The following PRRC2A variants were observed in gnomAD, a reference collection of about 807,000 sequenced individuals.
PRRC2A encodes the protein protein PRRC2A.
A neutral mutation model predicts 224.6 loss-of-function variants in PRRC2A; 59 were observed. That is an observed-to-expected ratio of 0.26 (90% CI 0.21 to 0.33). The LOEUF (loss-of-function observed/expected upper bound fraction) is 0.33, where lower values mean the gene tolerates loss of function less well. Among genes scored for constraint, PRRC2A ranks in the 10% least tolerant of loss-of-function variants. PRRC2A has a pLI of 1.00. For missense variants in PRRC2A, 3,095 were observed against 2,880.7 expected, an observed-to-expected ratio of 1.07 and a Z score of -1.70; for synonymous variants, 1,194 against 1,109.5, an observed-to-expected ratio of 1.08 and a Z score of -1.51.
rs1029003133 is a variant in PRRC2A at position 31,627,184 on chromosome 6, C to G, written c.1276C>G (p.Pro426Ala). 6 of 1,606,298 alleles carry G rather than the reference C, an allele frequency of 3.7e-6. No individual in the cohort carries two copies. Among genetic ancestry groups the G allele is most frequent in the Admixed American group, 1.7e-5 (1 of 59,894 alleles). ...GGGCCCCGCCGGGAACTGGGGCCCC[C>G]CTGGGGACTACCCAGTGAGTGTCTC... is the stretch of plus-strand genomic sequence containing the variant. ...HRGPAGNWGP[P>A]GDYPDRGGPP... The change falls in exon 11 of 31, where the codon CCT becomes GCT. Residue 426 changes from proline to alanine, a missense_variant. Physicochemically the swap from Pro to Ala is conservative, Grantham distance 27. Transcript: ENST00000376033. The surrounding 1 kb of genome is among the most constrained non-coding windows in gnomAD (Gnocchi z 5.6).
In PRRC2A at chr6:31,625,105, TC is replaced by T. The variant is rs772282041; in HGVS notation, c.464-64del. ...GAGCCACCGCGCCCAGCCAGAGTCT[TC>T]CACTTTTATAGCATGTCCTCAGGAA... On this transcript the variant is annotated intron_variant, in intron 5 of 30. Transcript: ENST00000376033. This position sits in a 1 kb window ranked among gnomAD's most constrained non-coding sequence, Gnocchi z 4.1. 1.4e-5 allele frequency: 21 copies of T among 1,555,062 alleles called. No homozygotes were observed. The highest frequency in any genetic ancestry group is 1.8e-5 in the Non-Finnish European group (20 of 1,142,184).
At position 31,622,724 on chromosome 6, in the gene PRRC2A, C is replaced by G; in HGVS notation, c.-66C>G. ...ACTGAGACACTTGCTGTCTGGCCCA[C>G]AGGCTCTGGCACGTTTTGGGGGAGG... On this transcript the variant is annotated 5_prime_UTR_variant, in exon 2 of 31. Transcript: ENST00000376033. 8.1e-7 allele frequency: 1 copy of G among 1,230,710 alleles called. No individual in the cohort carries two copies. Among genetic ancestry groups the G allele is most frequent in the Non-Finnish European group, 1.2e-6 (1 of 842,016 alleles). The allele number at this position is 1,230,710 out of a possible 1,614,324, so 76.2% of individuals were successfully genotyped here. A position where few individuals can be genotyped will look rare whatever the true frequency, so the allele number is the denominator to read the frequency against.
chr6:31,634,159 C>T lies in PRRC2A; in HGVS notation c.4720-77C>T, dbSNP rs113010110. The T allele has an allele frequency of 5.9e-4, 930 of 1,568,250 alleles. 4 individuals are homozygous for T. In the African/African-American group the frequency reaches 0.01, roughly 17 times the overall value. On this transcript the variant is annotated intron_variant, in intron 18 of 30. Transcript: ENST00000376033. The stretch of plus-strand genomic sequence containing the variant: ...TTGTTGTCCCCACACCCTGTGTCAC[C>T]CCACTCTGTCCTGGCTTCCTATAAT...
In PRRC2A at chr6:31,629,244, G is replaced by C. The variant is rs1365207265; in HGVS notation, c.1866G>C (p.Gly622=). 1 of 1,613,540 alleles carries C rather than the reference G, an allele frequency of 6.2e-7. No homozygotes were observed. The change falls in exon 13 of 31, where the codon GGG becomes GGC. Residue 622 remains glycine, a synonymous_variant. Coordinates refer to ENST00000376033, the MANE Select transcript of PRRC2A (RefSeq NM_004638.4). The stretch of plus-strand genomic sequence containing the variant: ...CAAAGGTGGAACCCAAGGGTGATGG[G>C]ATTGGTCCCACCCGCCAGCCCCCTA... The part of the protein sequence containing the change: ...PVPKVEPKGD[G]IGPTRQPPSQ...
At chr6:31,622,378 T>G (rs1299635093) in intron 1 of PRRC2A, among the ~76,000 whole-genome samples, 1 of 152,190 alleles carries the variant, frequency 6.6e-6, no homozygotes, top group Non-Finnish European at 1.5e-5. Context: ...CTGTTGTAAG[T>G]CTCTGAAACG....
At position 31,624,375 on chromosome 6, in the gene PRRC2A, GGA is replaced by G. The variant is rs1775652374; in HGVS notation, c.390+17_390+18del. 6.2e-7 allele frequency: 1 copy of G among 1,611,320 alleles called. No individual in the cohort carries two copies. The highest frequency in any genetic ancestry group is 1.3e-5 in the African/African-American group (1 of 74,866). On this transcript the variant is annotated intron_variant, in intron 4 of 30. Coordinates refer to ENST00000376033, the MANE Select transcript of PRRC2A (RefSeq NM_004638.4). ...CAGCCCCCGAGGTACCTGGAGAACT[GGA>G]GGGGTGGGGAGGAAGAATGGTTCAT...
In PRRC2A at chr6:31,636,183, C is replaced by T; in HGVS notation, c.5625-26C>T. On this transcript the variant is annotated intron_variant, in intron 25 of 30. Coordinates refer to ENST00000376033, the MANE Select transcript of PRRC2A (RefSeq NM_004638.4). The surrounding 1 kb of genome is among the most constrained non-coding windows in gnomAD (Gnocchi z 4.3). ...TGCTAGGACTCTGGCTTCCTAACAG[C>T]TTTTCTCCCCACAATTTATTTTCAG... 1.2e-6 allele frequency: 2 copies of T among 1,603,620 alleles called. No homozygotes were observed. The highest frequency in any genetic ancestry group is 1.7e-6 in the Non-Finnish European group (2 of 1,170,560).
In PRRC2A at chr6:31,627,164, C is replaced by T; in HGVS notation, c.1256C>T (p.Pro419Leu). ...KPPLPPPHRG[P>L]AGNWGPPGDY... ...CCCCTACCCCCACCTCACCGGGGCC[C>T]CGCCGGGAACTGGGGCCCCCCTGGG... Residue 419 changes from proline (P) to leucine (L), a missense_variant, in exon 11 of 31, where the codon CCC becomes CTC. Coordinates refer to ENST00000376033, the MANE Select transcript of PRRC2A (RefSeq NM_004638.4). The surrounding 1 kb of genome is among the most constrained non-coding windows in gnomAD (Gnocchi z 5.6). The T allele has an allele frequency of 6.2e-7, 1 of 1,613,118 alleles. No individual in the cohort carries two copies. The highest frequency in any genetic ancestry group is 8.5e-7 in the Non-Finnish European group (1 of 1,179,636).
At chr6:31,633,054 G>A (rs1776858151) in intron 16 of PRRC2A, 62 bp downstream of exon 16, 1 of 1,446,138 alleles carries the variant, frequency 6.9e-7, no homozygotes. Context: ...AAAAGCCTGA[G>A]GGAAAGATAA....
chr6:31,635,202 G>T lies in PRRC2A; in HGVS notation c.5231G>T (p.Gly1744Val), dbSNP rs2844491. 1 of 1,612,764 alleles carries T rather than the reference G, an allele frequency of 6.2e-7. No individual in the cohort carries two copies. Among genetic ancestry groups the T allele is most frequent in the Middle Eastern group, 1.6e-4 (1 of 6,080 alleles). ...GTERSQRTDR[G>V]TEPGPIRPSH... ...GAACGATCACAGCGTACAGACCGAG[G>T]CACAGAGCCTGGCCCCATTCGGCCA... Residue 1744 changes from glycine (G) to valine (V), a missense_variant, in exon 22 of 31, where the codon GGC (glycine) becomes GTC (valine). Around this residue, in one of 8 missense-constraint regions of PRRC2A, gnomAD observed 662 missense variants for 609.5 expected, o/e 1.09. Transcript: ENST00000376033.
Position 31,631,013 on chromosome 6 carries a change from C to T in PRRC2A, c.2466-126C>T. 1 of 1,235,782 alleles carries T rather than the reference C, an allele frequency of 8.1e-7. No homozygotes were observed. Among genetic ancestry groups the T allele is most frequent in the South Asian group, 1.5e-5 (1 of 68,002 alleles). The allele number at this position is 1,235,782 out of a possible 1,614,324, so 76.6% of individuals were successfully genotyped here. On this transcript the variant is annotated intron_variant, in intron 15 of 30. Transcript: ENST00000376033. This position sits in a 1 kb window ranked among gnomAD's most constrained non-coding sequence, Gnocchi z 4.5. ...CGAGACTAGCCTCGGCAACTGGATG[C>T]CATCTCTGCCAAAACAAACAGAAAA...
Position 31,635,684 on chromosome 6 carries a change from A to G in PRRC2A, c.5476A>G (p.Ser1826Gly), listed in dbSNP as rs749300196. The change falls in exon 24 of 31, where the codon AGC (serine) becomes GGC (glycine). Residue 1826 changes from serine to glycine, a missense_variant. By Grantham distance (56) the Ser-to-Gly change is moderately conservative. This residue lies in a region of PRRC2A where 662 missense variants were observed against 609.5 expected (regional missense o/e 1.09). Coordinates refer to ENST00000376033, the MANE Select transcript of PRRC2A (RefSeq NM_004638.4). ...TTCTGGGCACTGTGTCCCGGAGCCC[A>G]GCTCCTCAGGCCAGCGCCTGTATCC... ...LDSGHCVPEPSSSGQRLYPEV... is the reference protein window; with the variant it reads ...LDSGHCVPEPGSSGQRLYPEV... 6.2e-7 allele frequency: 1 copy of G among 1,612,814 alleles called. No homozygotes were observed. The highest frequency in any genetic ancestry group is 1.1e-5 in the South Asian group (1 of 91,030).
Position 31,635,411 on chromosome 6 carries a change from A to G in PRRC2A, c.5319A>G (p.Leu1773=), listed in dbSNP as rs1181765414. 2 of 1,614,118 alleles carry G rather than the reference A, an allele frequency of 1.2e-6. No individual in the cohort carries two copies. The highest frequency in any genetic ancestry group is 1.7e-6 in the Non-Finnish European group (2 of 1,180,038). ...GATCACAGGACTCAGACTTACGCCT[A>G]GTGGTAGGAGACAGCTTGAAAGCAG... is the stretch of plus-strand genomic sequence containing the variant. ...GTSDKDSDLR[L]VVGDSLKAEK... is the part of the protein sequence containing the mutation. The change falls in exon 23 of 31, where the codon CTA becomes CTG. Residue 1773 remains leucine (L), a synonymous_variant. Transcript: ENST00000376033.
chr6:31,632,511 C>G lies in PRRC2A; in HGVS notation c.3838C>G (p.Pro1280Ala), dbSNP rs775329289. 6.2e-7 allele frequency: 1 copy of G among 1,608,634 alleles called. No homozygotes were observed. The highest frequency in any genetic ancestry group is 8.5e-7 in the Non-Finnish European group (1 of 1,177,156). The change falls in exon 16 of 31, where the codon CCA becomes GCA. Residue 1280 changes from proline to alanine, a missense_variant. By Grantham distance (27) the Pro-to-Ala change is conservative. Coordinates refer to ENST00000376033, the MANE Select transcript of PRRC2A (RefSeq NM_004638.4). Reference sequence around the variant, plus strand: ...TGAGGGCAAGCCCTCCCTAACCCTTCCAGCCTCCGCTCCTGGACCTGAGGA... The same window carrying G: ...TGAGGGCAAGCCCTCCCTAACCCTTGCAGCCTCCGCTCCTGGACCTGAGGA... ...GSEGKPSLTL[P>A]ASAPGPEEAL...
At chr6:31,624,123 C>A in intron 3 of PRRC2A, 138 bp from the exon 4 acceptor site, 1 of 1,108,368 alleles carries the variant, frequency 9.0e-7, no homozygotes, top group Non-Finnish European at 1.3e-6. Context: ...CAACAGCCTA[C>A]AAAGGATGAC....
chr6:31,635,882 A>G (rs1482492221), intron 24 of PRRC2A, 85 bp from the exon 25 acceptor site: 1 of 1,451,464 alleles, frequency 6.9e-7, no homozygotes, highest in Non-Finnish European at 9.3e-7. Flanking sequence ...TTTTCTCCCT[A>G]CTTTTTGCTT....
At position 31,620,786 on chromosome 6, in the gene PRRC2A, T is replaced by TCCCCCGCCCCACCGCCATCCC. The variant is rs1775159436; in HGVS notation, c.-172_-152dup. ...AACCCGGCGCCATCCGCCGCCATCC[T>TCCCCCGCCCCACCGCCATCCC]CCCCCGCCCCACCGCCATCCCGTCC... On this transcript the variant is annotated 5_prime_UTR_variant, in exon 1 of 31. Coordinates refer to ENST00000376033, the MANE Select transcript of PRRC2A (RefSeq NM_004638.4). The TCCCCCGCCCCACCGCCATCCC allele has an allele frequency of 6.6e-6, 1 of 151,200 alleles. No individual in the cohort carries two copies. The allele number at this position is 151,200 out of a possible 1,614,324, so 9.4% of individuals were successfully genotyped here.
intron 14 of PRRC2A, 82 bp downstream of exon 14, chr6:31,629,927 G>A (rs932176633): frequency 1.9e-6 from 3 of 1,564,442 alleles, no homozygotes; most frequent in Non-Finnish European, 2.6e-6. Flanking sequence ...CTGTGACTCT[G>A]GTACGATAGG....
chr6:31,630,953 G>A (rs779559859), intron 15 of PRRC2A, 152 bp downstream of exon 15: 14 of 1,268,606 alleles, frequency 1.1e-5, no homozygotes, highest in African/African-American at 1.5e-5. Flanking sequence ...CATTTTGGGA[G>A]GCTGAGGCAA....
Sources: allele counts gnomAD v4.1 joint callset (sites outside exome capture counted in the v4.1 genomes callset), GRCh38; gene constraint gnomAD v4.1.1; regional missense constraint gnomAD v4.1.1; non-coding constraint Gnocchi (gnomAD v3.1); transcripts MANE v1.5; gene names NCBI Gene and HGNC (gene_info 2026-07-23, HGNC 2026-07-21).